The following RNF38 variants were observed in gnomAD, a reference collection of about 807,000 sequenced individuals.
The protein encoded by RNF38 is E3 ubiquitin-protein ligase RNF38.
RNF38 carries 15 observed loss-of-function variants against 67.2 expected under a neutral mutation model. The observed-to-expected ratio is 0.22, with a 90% CI of 0.15 to 0.34. The LOEUF is 0.34. RNF38 is among the 10% of genes least tolerant of loss of function. The probability of loss-of-function intolerance (pLI) is 1.00; values close to 1 mark genes in which losing one functional copy is unlikely to be tolerated. For synonymous variants in RNF38, 220 were observed against 218.8 expected (o/e 1.01, Z -0.05); for missense variants, 524 against 639.9 (o/e 0.82, Z 1.95).
At chr9:36,438,701 A>G (rs1333734298) in intron 1 of RNF38, among the ~76,000 whole-genome samples, 1 of 152,190 alleles carries the variant, frequency 6.6e-6, no homozygotes, top group African/African-American at 2.4e-5. Context: ...ACAAAGCTAA[A>G]AAGGGAGTGG....
chr9:36,471,267 A>G (rs1490446728), intron 1 of RNF38, among the ~76,000 whole-genome samples: 2 of 152,218 alleles, frequency 1.3e-5, no homozygotes, highest in African/African-American at 4.8e-5. Flanking sequence ...TAAAATTTCT[A>G]AAGCCCCCTT....
chr9:36,418,774 A>T (rs372272919), intron 2 of RNF38, among the ~76,000 whole-genome samples: 101 of 152,000 alleles, frequency 6.6e-4, no homozygotes, highest in African/African-American at 2.3e-3. Flanking sequence ...TGACAGAGCA[A>T]GACTCTGTCT....
chr9:36,436,819 A>G, intron 1 of RNF38, among the ~76,000 whole-genome samples: 1 of 20,994 alleles, frequency 4.8e-5, no homozygotes, highest in South Asian at 1.6e-3. Flanking sequence ...GAGACTCCTC[A>G]AAAAAAAAAA....
intron 2 of RNF38, among the ~76,000 whole-genome samples, chr9:36,386,786 A>G (rs1018348116): frequency 3.3e-5 from 5 of 152,164 alleles, no homozygotes; most frequent in African/African-American, 1.2e-4. Context: ...TGGCAATGTC[A>G]GGAAGTTACC....
At chr9:36,360,833 CAG>C (rs1254152322) in intron 4 of RNF38, among the ~76,000 whole-genome samples, 1 of 152,072 alleles carries the variant, frequency 6.6e-6, no homozygotes, top group Non-Finnish European at 1.5e-5. Flanking sequence ...TTTTTTGAGA[CAG>C]AGTCTTGATA....
intron 1 of RNF38, among the ~76,000 whole-genome samples, chr9:36,393,476 AT>A (rs34963559): frequency 1.2e-3 from 48 of 38,594 alleles, no homozygotes; most frequent in South Asian, 0.012. Context: ...ACACACACAC[AT>A]TGTGTGTGTG....
At chr9:36,440,893 A>AG (rs1196346947) in intron 1 of RNF38, among the ~76,000 whole-genome samples, 1 of 152,196 alleles carries the variant, frequency 6.6e-6, no homozygotes, top group Non-Finnish European at 1.5e-5. Flanking sequence ...GTGGATCACG[A>AG]GGTCAGCTTT....
intron 2 of RNF38, among the ~76,000 whole-genome samples, chr9:36,412,955 C>A (rs1208029823): frequency 6.6e-6 from 1 of 152,050 alleles, no homozygotes; most frequent in Admixed American, 6.6e-5. Context: ...GCCTATAGTC[C>A]CAGCTACTCA....
chr9:36,401,216 GGCGGGGCTGC>G (rs1357250733), upstream of RNF38: 1 of 983,130 alleles, frequency 1.0e-6, no homozygotes, highest in Non-Finnish European at 1.2e-6. Flanking sequence ...GGCGGGGCGG[GGCGGGGCTGC>G]GCGCGGCCCG....
Position 36,480,548 on chromosome 9 carries a change from CTTTTTTTTTTT to C in RNF38, n.241+6749_241+6759del, listed in dbSNP as rs3072687. ...CTATGTATACAGTTTTTTTCTTTTT[CTTTTTTTTTTT>C]TTTTTTTTTTGAGACAGGGTCTCAC... On this transcript the variant is annotated intron_variant and non_coding_transcript_variant, in intron 1 of 3. Coordinates refer to the RNF38 transcript ENST00000488058. Among the ~76,000 whole-genome samples, 511 of 100,824 alleles carry C rather than the reference CTTTTTTTTTTT, an allele frequency of 5.1e-3. 4 individuals carry two copies. Among genetic ancestry groups the C allele is most frequent in the African/African-American group, 0.019 (491 of 26,486 alleles). 66.1% of individuals were successfully genotyped at this position (100,824 alleles called of 152,430 possible).
chr9:36,339,830 G>A lies in RNF38; in HGVS notation c.1486-16C>T. 2 of 1,605,006 alleles carry A rather than the reference G, an allele frequency of 1.2e-6. No homozygotes were observed. Among genetic ancestry groups the A allele is most frequent in the Non-Finnish European group, 1.7e-6 (2 of 1,173,690 alleles). On this transcript the variant is annotated splice_polypyrimidine_tract_variant and intron_variant, in intron 11 of 11. Transcript: ENST00000259605. ...TACGATTTGCCTACAAAACAAAAAG[G>A]AAAACTTGTTTAAATTGTGACACAT...
chr9:36,346,958 A>G (rs942577411), intron 9 of RNF38, among the ~76,000 whole-genome samples: 19 of 151,998 alleles, frequency 1.3e-4, no homozygotes, highest in African/African-American at 4.3e-4. Context: ...TCTCTACTAA[A>G]ATTACAAAAA....
chr9:36,360,186 T>A (rs1051162859), intron 4 of RNF38, among the ~76,000 whole-genome samples: 16 of 152,228 alleles, frequency 1.1e-4, no homozygotes, highest in African/African-American at 3.6e-4. Flanking sequence ...AAAAAGATTA[T>A]TAAATTTATT....
At chr9:36,354,140 T>A (rs970831192) in intron 6 of RNF38, among the ~76,000 whole-genome samples, 1 of 152,180 alleles carries the variant, frequency 6.6e-6, no homozygotes, top group Non-Finnish European at 1.5e-5. Flanking sequence ...AAAGAAACTG[T>A]ATACCCATTA....
chr9:36,415,401 A>G (rs985511155), intron 2 of RNF38, among the ~76,000 whole-genome samples: 1 of 150,960 alleles, frequency 6.6e-6, no homozygotes, highest in African/African-American at 2.4e-5. Context: ...ATTTCTCTGG[A>G]GATTTTTTTG....
At chr9:36,359,865 C>A (rs574360339) in intron 4 of RNF38, among the ~76,000 whole-genome samples, 52 of 151,920 alleles carry the variant, frequency 3.4e-4, no homozygotes, top group Non-Finnish European at 5.6e-4. Flanking sequence ...CCTACCTTAG[C>A]CCCGCCCCGA....
chr9:36,476,029 A>C (rs1029935284), intron 1 of RNF38, among the ~76,000 whole-genome samples: 1 of 151,854 alleles, frequency 6.6e-6, no homozygotes, highest in African/African-American at 2.4e-5. Flanking sequence ...AAAAAAAAGA[A>C]AGAAATATAA....
chr9:36,360,796 C>G (rs1015581722), intron 4 of RNF38, among the ~76,000 whole-genome samples: 3 of 152,204 alleles, frequency 2.0e-5, no homozygotes, highest in Admixed American at 1.3e-4. Flanking sequence ...ATACCACCCC[C>G]CTACCCCGAC....
At chr9:36,384,856 C>T (rs1243046326) in intron 2 of RNF38, among the ~76,000 whole-genome samples, 3 of 152,186 alleles carry the variant, frequency 2.0e-5, no homozygotes, top group African/African-American at 7.2e-5. Context: ...CTTGCAACAT[C>T]AACAATGCAT....
Sources: allele counts gnomAD v4.1 joint callset (sites outside exome capture counted in the v4.1 genomes callset), GRCh38; gene constraint gnomAD v4.1.1; transcripts MANE v1.5; gene names NCBI Gene and HGNC (gene_info 2026-07-23, HGNC 2026-07-21).